RASSF6: variants seen among roughly 807,000 people sequenced by gnomAD.
RASSF6 encodes ras association domain-containing protein 6.
A neutral mutation model predicts 44.0 loss-of-function variants in RASSF6; 52 were observed. The ratio of observed to expected loss-of-function variants is 1.18; its 90% CI spans 0.95 to 1.49. RASSF6 has a LOEUF of 1.49. Ranked by LOEUF, RASSF6 falls within the 40% of genes most tolerant of loss-of-function variation. The probability of loss-of-function intolerance (pLI) is 0.00; values close to 1 mark genes in which losing one functional copy is unlikely to be tolerated. For synonymous variants in RASSF6, 162 were observed against 124.6 expected (o/e 1.30, Z -2.00); for missense variants, 464 against 393.3 (o/e 1.18, Z -1.52).
At chr4:73,581,683 C>G (rs1304919955) in intron 8 of RASSF6, 134 bp downstream of exon 8, 2 of 573,794 alleles carry the variant, frequency 3.5e-6, no homozygotes, top group Admixed American at 6.0e-5. Context: ...GTTCTAAAGA[C>G]CACTCCTTCC....
intron 8 of RASSF6, 60 bp from the exon 9 acceptor site, chr4:73,576,791 G>T (rs1482490963): frequency 2.0e-5 from 21 of 1,036,810 alleles, no homozygotes; most frequent in Non-Finnish European, 2.7e-5. Context: ...AAAGAAGGAA[G>T]ATAATTTTCC....
At chr4:73,618,317 C>CTATCTATCTATCTATCTATCTATT (rs1367428906) in intron 1 of RASSF6, among the ~76,000 whole-genome samples, 141 of 152,146 alleles carry the variant, frequency 9.3e-4, no homozygotes, top group Non-Finnish European at 1.7e-3. Flanking sequence ...ATCTATCTAT[C>CTATCTATCTATCTATCTATCTATT]TATCTAAACA....
At chr4:73,583,984 A>G (rs780202695) in intron 6 of RASSF6, among the ~76,000 whole-genome samples, 1 of 152,104 alleles carries the variant, frequency 6.6e-6, no homozygotes, top group Non-Finnish European at 1.5e-5. Flanking sequence ...TGCTTGGAGC[A>G]ATGTGGCTTT....
intron 2 of RASSF6, among the ~76,000 whole-genome samples, chr4:73,601,477 T>C (rs890355242): frequency 6.6e-6 from 1 of 152,228 alleles, no homozygotes; most frequent in African/African-American, 2.4e-5. Context: ...CATAGAAGTA[T>C]TTTTCTCACC....
rs1438782124 is a variant in RASSF6, at chr4:73,575,517, GA to G, written c.*717del. The G allele has an allele frequency of 6.6e-6, 1 of 151,276 alleles. No homozygotes were observed. Among genetic ancestry groups the G allele is most frequent in the Non-Finnish European group, 1.5e-5 (1 of 67,812 alleles). The allele number at this position is 151,276 out of a possible 1,614,324, so 9.4% of individuals were successfully genotyped here. A position where few individuals can be genotyped will look rare whatever the true frequency, so the allele number is the denominator to read the frequency against. On this transcript the variant is annotated 3_prime_UTR_variant, in exon 11 of 11. Transcript: ENST00000307439. ...GTCTATGTGATATAAACATTTTTTTGAAAAATAAATAAAGAAAAAGTTCAAT... is the reference window on the plus strand; with the variant it reads ...GTCTATGTGATATAAACATTTTTTTGAAAATAAATAAAGAAAAAGTTCAAT...
intron 2 of RASSF6, among the ~76,000 whole-genome samples, chr4:73,608,821 C>T (rs1725820461): frequency 6.6e-6 from 1 of 152,200 alleles, no homozygotes. Flanking sequence ...AGGAGAAGAC[C>T]CTGTATATGA....
intron 4 of RASSF6, among the ~76,000 whole-genome samples, chr4:73,592,511 G>A (rs1724629301): frequency 6.6e-6 from 1 of 152,206 alleles, no homozygotes; most frequent in African/African-American, 2.4e-5. Context: ...TTTTATACAG[G>A]TATGTTTCTT....
intron 2 of RASSF6, among the ~76,000 whole-genome samples, chr4:73,603,785 G>A (rs1422644500): frequency 6.6e-6 from 1 of 152,178 alleles, no homozygotes; most frequent in Non-Finnish European, 1.5e-5. Flanking sequence ...AGGATTATGG[G>A]TGGAAGTGAA....
intron 1 of RASSF6, among the ~76,000 whole-genome samples, chr4:73,615,634 T>C (rs1726305874): frequency 6.6e-6 from 1 of 152,228 alleles, no homozygotes; most frequent in East Asian, 1.9e-4. Flanking sequence ...ATAAGTTTGG[T>C]TATTTACTTT....
At chr4:73,617,399 T>A (rs1487851920) in intron 1 of RASSF6, among the ~76,000 whole-genome samples, 2 of 152,216 alleles carry the variant, frequency 1.3e-5, no homozygotes, top group African/African-American at 2.4e-5. Flanking sequence ...ACTTAAGGCA[T>A]CTTGCCACCA....
intron 6 of RASSF6, among the ~76,000 whole-genome samples, chr4:73,583,817 T>C (rs1276485935): frequency 6.6e-6 from 1 of 152,086 alleles, no homozygotes; most frequent in Admixed American, 6.6e-5. Flanking sequence ...TTCCATCCCA[T>C]CAACAGCCTT....
In RASSF6 at chr4:73,576,447, C is replaced by A. The variant is rs752481961; in HGVS notation, c.901G>T (p.Glu301Ter). The part of the protein sequence containing the change: ...LLESILQRLN[E>*]EEKREIQRIV... The stretch of plus-strand genomic sequence containing the variant: ...CTTTGAATCTCTCTTTTCTCTTCTT[C>A]ATTTAATCTTTGAAGAATGGATTCC... The change falls in exon 10 of 11, where the codon GAA becomes TAA. Residue 301 changes from glutamate to a stop codon, truncating the protein, a stop_gained. Transcript: ENST00000307439. LOFTEE classifies it high-confidence loss of function. 7 of 1,583,046 alleles carry A rather than the reference C, an allele frequency of 4.4e-6. No homozygotes were observed. The highest frequency in any genetic ancestry group is 2.3e-5 in the South Asian group (2 of 87,030).
chr4:73,583,798 C>CTCATT (rs1320245171), intron 6 of RASSF6, among the ~76,000 whole-genome samples: 1 of 152,048 alleles, frequency 6.6e-6, no homozygotes, highest in Non-Finnish European at 1.5e-5. Flanking sequence ...CTGAACTTAC[C>CTCATT]TCATTTCATT....
rs1272637544 is a variant in RASSF6, at chr4:73,573,042, A to G, written c.*3193T>C. 6.6e-6 allele frequency: 1 copy of G among 152,100 alleles called. No homozygotes were observed. The highest frequency in any genetic ancestry group is 1.5e-5 in the Non-Finnish European group (1 of 68,004). 9.4% of individuals were successfully genotyped at this position (152,100 alleles called of 1,614,324 possible). ...TGTATGTGTATATTCTTATTTAGAT[A>G]TATAAGAATTTACCCCTGTAATTAA... On this transcript the variant is annotated 3_prime_UTR_variant, in exon 11 of 11. Transcript: ENST00000307439.
rs1369552094 is a variant in RASSF6, at chr4:73,574,312, C to T, written c.*1923G>A. ...AATCCCAACAGTGCCTCGAACAGAA[C>T]CCGTGACTCCTTCTTTGTGCTTACC... On this transcript the variant is annotated 3_prime_UTR_variant, in exon 11 of 11. Transcript: ENST00000307439. 1 of 152,496 alleles carries T rather than the reference C, an allele frequency of 6.6e-6. No homozygotes were observed. Among genetic ancestry groups the T allele is most frequent in the Non-Finnish European group, 1.5e-5 (1 of 68,208 alleles). The allele number at this position is 152,496 out of a possible 1,614,324, so 9.4% of individuals were successfully genotyped here. A position where few individuals can be genotyped will look rare whatever the true frequency, so the allele number is the denominator to read the frequency against.
In RASSF6 at chr4:73,573,331, T is replaced by TTG. The variant is rs1723018558; in HGVS notation, c.*2902_*2903dup. On this transcript the variant is annotated 3_prime_UTR_variant, in exon 11 of 11. Transcript: ENST00000307439. Reference sequence around the variant, plus strand: ...TTAGTAGAGGCAGGGTTTCACCATGTTGGCCAGGCTGGTCTCGAAATCCCA... The same window carrying TTG: ...TTAGTAGAGGCAGGGTTTCACCATGTTGTGGCCAGGCTGGTCTCGAAATCCCA... The TTG allele has an allele frequency of 1.3e-5, 2 of 152,204 alleles. No homozygotes were observed. Among genetic ancestry groups the TTG allele is most frequent in the Admixed American group, 1.3e-4 (2 of 15,274 alleles). The allele number at this position is 152,204 out of a possible 1,614,324, so 9.4% of individuals were successfully genotyped here.
intron 1 of RASSF6, 141 bp downstream of exon 1, chr4:73,620,147 A>G (rs1480657327): frequency 2.2e-6 from 1 of 452,126 alleles, no homozygotes; most frequent in Admixed American, 4.7e-5. Flanking sequence ...TCAAAAGGAA[A>G]AGGCATGTGT....
chr4:73,587,490 T>C (rs1428430775), intron 5 of RASSF6, among the ~76,000 whole-genome samples: 3 of 152,076 alleles, frequency 2.0e-5, no homozygotes, highest in African/African-American at 4.8e-5. Flanking sequence ...TATAAAGCTA[T>C]TGGGAATAAT....
At chr4:73,578,120 A>G (rs888344675) in intron 8 of RASSF6, among the ~76,000 whole-genome samples, 3 of 152,224 alleles carry the variant, frequency 2.0e-5, no homozygotes, top group Admixed American at 6.5e-5. Context: ...GTGAAATTAT[A>G]AAGAACTACA....
Sources: allele counts gnomAD v4.1 joint callset (sites outside exome capture counted in the v4.1 genomes callset), GRCh38; gene constraint gnomAD v4.1.1; transcripts MANE v1.5; gene names NCBI Gene and HGNC (gene_info 2026-07-23, HGNC 2026-07-21).